RNF213: variants seen among roughly 807,000 people sequenced by gnomAD.
The protein encoded by RNF213 is ring finger protein 213, also known as E3 ubiquitin-protein ligase RNF213.
A neutral mutation model predicts 514.4 loss-of-function variants in RNF213; 341 were observed. That is an observed-to-expected ratio of 0.66 (90% CI 0.61 to 0.73). The LOEUF is 0.73. Among genes scored for constraint, RNF213 ranks in the 30% least tolerant of loss-of-function variants. RNF213 has a pLI of 0.00. For missense variants in RNF213, 5,767 were observed against 6,615.6 expected, an observed-to-expected ratio of 0.87 and a Z score of 4.45; for synonymous variants, 2,655 against 2,658.2, an observed-to-expected ratio of 1.00 and a Z score of 0.04.
chr17:80,386,638 C>G, intron 62 of RNF213, 52 bp from the exon 63 acceptor site: 4 of 1,588,846 alleles, frequency 2.5e-6, no homozygotes, highest in Non-Finnish European at 3.5e-6. Context: ...ACATAGAGCC[C>G]TAGGCCCGCA....
chr17:80,339,084 T>TTAAAAAACAG, intron 25 of RNF213, 117 bp from the exon 26 acceptor site: 7 of 761,634 alleles, frequency 9.2e-6, no homozygotes, highest in South Asian at 4.2e-5. Context: ...GCGCAGATCA[T>TTAAAAAACAG]GCAGTGGGCC....
At position 80,298,332 on chromosome 17, in the gene RNF213, A is replaced by G; in HGVS notation, c.2024A>G (p.Tyr675Cys). ...ILGIPQSWRL[Y>C]LVNLCQRCMD... ...TTATTCCCTTCCAGCTGGCGGCTGTACCTGGTGAACCTGTGCCAAAGATGC... is the reference window on the plus strand; with the variant it reads ...TTATTCCCTTCCAGCTGGCGGCTGTGCCTGGTGAACCTGTGCCAAAGATGC... The change falls in exon 11 of 68, where the codon TAC becomes TGC. Residue 675 changes from tyrosine to cysteine, a missense_variant. Physicochemically the swap from Tyr to Cys is radical, Grantham distance 194. Coordinates refer to ENST00000582970, the MANE Select transcript of RNF213 (RefSeq NM_001256071.3). 1 of 1,614,072 alleles carries G rather than the reference A, an allele frequency of 6.2e-7. No homozygotes were observed. The highest frequency in any genetic ancestry group is 8.5e-7 in the Non-Finnish European group (1 of 1,180,002).
intron 3 of RNF213, among the ~76,000 whole-genome samples, chr17:80,283,704 T>TC (rs1269711205): frequency 6.6e-6 from 1 of 152,124 alleles, no homozygotes; most frequent in Non-Finnish European, 1.5e-5. Flanking sequence ...GCCTGCATCT[T>TC]CCATGCTGGT....
chr17:80,392,487 G>A (rs574682472), intron 67 of RNF213, among the ~76,000 whole-genome samples: 3 of 152,302 alleles, frequency 2.0e-5, no homozygotes, highest in Admixed American at 6.5e-5. Flanking sequence ...GGCTTCTGTC[G>A]TGTTTGTGTA....
intron 3 of RNF213, among the ~76,000 whole-genome samples, chr17:80,279,496 G>A (rs1388872726): frequency 8.0e-5 from 12 of 150,748 alleles, no homozygotes; most frequent in Admixed American, 6.6e-4. Context: ...ACAGAGTCTC[G>A]CTCTGTCGCC....
At chr17:80,381,365 GA>G in intron 56 of RNF213, 181 bp from the exon 57 acceptor site, 1 of 697,144 alleles carries the variant, frequency 1.4e-6, no homozygotes, top group Non-Finnish European at 2.6e-6. Flanking sequence ...TGTAACAACA[GA>G]AAAGCCAGCA....
Position 80,353,851 on chromosome 17 carries a change from C to G in RNF213, c.10579-168C>G, listed in dbSNP as rs977570626. ...TTACTGGGGGTCAAGGGCATCTGCA[C>G]CGGCAGTTTGGGGGGTGCAGGGCGG... On this transcript the variant is annotated intron_variant, in intron 34 of 67. Coordinates refer to ENST00000582970, the MANE Select transcript of RNF213 (RefSeq NM_001256071.3). This position sits in a 1 kb window ranked among gnomAD's most constrained non-coding sequence, Gnocchi z 5.0. The G allele has an allele frequency of 6.7e-6, 8 of 1,194,596 alleles. No homozygotes were observed. The highest frequency in any genetic ancestry group is 9.7e-6 in the Non-Finnish European group (8 of 827,280). 74.0% of individuals were successfully genotyped at this position (1,194,596 alleles called of 1,614,324 possible). A position where few individuals can be genotyped will look rare whatever the true frequency, so the allele number is the denominator to read the frequency against.
chr17:80,287,936 C>T lies in RNF213; in HGVS notation c.383C>T (p.Pro128Leu), dbSNP rs764924271. 23 of 1,569,608 alleles carry T rather than the reference C, an allele frequency of 1.5e-5. No individual in the cohort carries two copies. The African/African-American group carries it at 1.9e-4, about 13-fold the overall frequency. Residue 128 changes from proline (P) to leucine (L), a missense_variant, in exon 4 of 68, where the codon CCT becomes CTT. This residue lies in a region of RNF213 where 509 missense variants were observed against 496.7 expected (regional missense o/e 1.02). Transcript: ENST00000582970. ...CTGACTTTGCTTTCAAACCCGTGGC[C>T]TCAGGACACAGCCCTGCCCCACAGC... Reference protein sequence around the residue: ...CHLTLLSNPWPQDTALPHSQA... With the variant: ...CHLTLLSNPWLQDTALPHSQA...
chr17:80,325,823 A>C (rs1236380736), intron 18 of RNF213, among the ~76,000 whole-genome samples: 1 of 152,188 alleles, frequency 6.6e-6, no homozygotes, highest in African/African-American at 2.4e-5. Flanking sequence ...AACAGCCAAA[A>C]TCAATGCTGA....
chr17:80,367,795 C>T lies in RNF213; in HGVS notation c.11919C>T (p.Ala3973=), dbSNP rs763491650. ...TGAAGACGCACGGGCCTTTTGAGGC[C>T]GTGATGCGCACTCTCTGTGAATGCA... The part of the protein sequence containing the change: ...SDVKTHGPFE[A]VMRTLCECKE... Residue 3973 remains alanine, a synonymous_variant, in exon 43 of 68, where the codon GCC becomes GCT. Transcript: ENST00000582970. 1.8e-5 allele frequency: 29 copies of T among 1,614,068 alleles called. No individual in the cohort carries two copies. The highest frequency in any genetic ancestry group is 1.1e-4 in the South Asian group (10 of 91,092).
intron 29 of RNF213, among the ~76,000 whole-genome samples, chr17:80,348,563 A>T (rs1262203204): frequency 6.6e-6 from 1 of 152,276 alleles, no homozygotes; most frequent in Non-Finnish European, 1.5e-5. Context: ...GGCCAAGGGC[A>T]CTAGGGACGC....
Position 80,350,199 on chromosome 17 carries a change from C to A in RNF213, c.10089-102C>A, listed in dbSNP as rs1004785042. 4 of 827,274 alleles carry A rather than the reference C, an allele frequency of 4.8e-6. No individual in the cohort carries two copies. The African/African-American group carries it at 6.7e-5, about 14-fold the overall frequency. 51.2% of individuals were successfully genotyped at this position (827,274 alleles called of 1,614,324 possible). On this transcript the variant is annotated intron_variant, in intron 30 of 67. Coordinates refer to ENST00000582970, the MANE Select transcript of RNF213 (RefSeq NM_001256071.3). The stretch of plus-strand genomic sequence containing the variant: ...ACTGAAGAAAATCCTACCTGAGTAG[C>A]TGTTTCTTTGTAGCCTTTATGTTTC...
Position 80,291,827 on chromosome 17 carries a change from G to A in RNF213, c.1471G>A (p.Asp491Asn). The A allele has an allele frequency of 6.2e-7, 1 of 1,614,168 alleles. No individual in the cohort carries two copies. Among genetic ancestry groups the A allele is most frequent in the Non-Finnish European group, 8.5e-7 (1 of 1,180,042 alleles). The change falls in exon 8 of 68, where the codon GAC becomes AAC. Residue 491 changes from aspartate (D) to asparagine (N), a missense_variant and splice_region_variant. Transcript: ENST00000582970. ...AAAATCTTCACTTCTGGGCTCAGGA[G>A]GTAAGTCGTGGCAGCAGGCTGTCTG... ...FIKSSLLGSGDWHQYYDIVYM... is the reference protein window; with the variant it reads ...FIKSSLLGSGNWHQYYDIVYM...
In RNF213 at chr17:80,353,259, A is replaced by T; in HGVS notation, c.10423+200A>T. On this transcript the variant is annotated intron_variant, in intron 33 of 67. Coordinates refer to ENST00000582970, the MANE Select transcript of RNF213 (RefSeq NM_001256071.3). The surrounding 1 kb of genome is among the most constrained non-coding windows in gnomAD (Gnocchi z 5.0). ...GAGCAGGTGCGCTTACCACAGGCTG[A>T]GGTAGAGCTCTGTGAGCAGGCCAGC... is the stretch of plus-strand genomic sequence containing the variant. 3.7e-6 allele frequency: 3 copies of T among 814,218 alleles called. No homozygotes were observed. The highest frequency in any genetic ancestry group is 5.9e-6 in the Non-Finnish European group (3 of 505,544). 50.4% of individuals were successfully genotyped at this position (814,218 alleles called of 1,614,324 possible). A position where few individuals can be genotyped will look rare whatever the true frequency, so the allele number is the denominator to read the frequency against.
intron 12 of RNF213, among the ~76,000 whole-genome samples, chr17:80,306,839 G>A (rs1040405927): frequency 2.4e-4 from 34 of 142,746 alleles, no homozygotes; most frequent in African/African-American, 5.7e-4. Flanking sequence ...GTGACAGAGC[G>A]AGACTCCATC....
chr17:80,267,365 C>T (rs991364613), intron 2 of RNF213, among the ~76,000 whole-genome samples: 2 of 152,118 alleles, frequency 1.3e-5, no homozygotes, highest in African/African-American at 4.8e-5. Context: ...ATCACTTGAA[C>T]CCAGGAGGTG....
intron 14 of RNF213, 72 bp from the exon 15 acceptor site, chr17:80,312,940 G>A: frequency 1.3e-6 from 2 of 1,561,694 alleles, no homozygotes; most frequent in Non-Finnish European, 1.8e-6. Context: ...GGAGAGGAGG[G>A]GGTGCAGCAT....
At position 80,346,678 on chromosome 17, in the gene RNF213, C is replaced by T. The variant is rs367840099; in HGVS notation, c.8343C>T (p.Ile2781=). The change falls in exon 29 of 68, where the codon ATC becomes ATT. Residue 2781 remains isoleucine, a synonymous_variant. Transcript: ENST00000582970. The surrounding 1 kb of genome is among the most constrained non-coding windows in gnomAD (Gnocchi z 8.1). ...PGSSKSLAKT[I]VADAMQGPAA... ...GCTCCAAGTCTCTCGCCAAGACCAT[C>T]GTGGCAGACGCCATGCAGGGCCCGG... is the stretch of plus-strand genomic sequence containing the variant. 27 of 1,611,160 alleles carry T rather than the reference C, an allele frequency of 1.7e-5. No individual in the cohort carries two copies. The highest frequency in any genetic ancestry group is 1.9e-5 in the Non-Finnish European group (23 of 1,180,002).
rs1357496917 is a variant in RNF213, at chr17:80,394,796, T to C, written c.*1298T>C. ...CTGTCATGGTGCCACCAGTGTCTGA[T>C]GAAGGGCAGAGTGACCCAGACTGCA... On this transcript the variant is annotated 3_prime_UTR_variant, in exon 68 of 68. Coordinates refer to ENST00000582970, the MANE Select transcript of RNF213 (RefSeq NM_001256071.3). 2.0e-5 allele frequency: 3 copies of C among 152,218 alleles called. No homozygotes were observed. Among genetic ancestry groups the C allele is most frequent in the East Asian group, 1.9e-4 (1 of 5,198 alleles). 9.4% of individuals were successfully genotyped at this position (152,218 alleles called of 1,614,324 possible).
Sources: gnomAD v4.1 joint callset for allele counts (sites outside exome capture counted in the v4.1 genomes callset) on GRCh38, gnomAD v4.1.1 for gene constraint, gnomAD v4.1.1 regional missense constraint, Gnocchi (gnomAD v3.1) non-coding constraint, MANE v1.5 for transcripts, NCBI Gene and HGNC (gene_info 2026-07-23, HGNC 2026-07-21) for gene names.